MYO16: variants seen among roughly 807,000 people sequenced by gnomAD.
MYO16 encodes the protein unconventional myosin-XVI.
A neutral mutation model predicts 205.3 loss-of-function variants in MYO16; 94 were observed. The ratio of observed to expected loss-of-function variants is 0.46; its 90% CI spans 0.39 to 0.54. The LOEUF is 0.54. MYO16 is among the 20% of genes least tolerant of loss of function. The pLI, the probability that MYO16 is intolerant of heterozygous loss-of-function variation, is 0.00. For missense variants in MYO16, 2,315 were observed against 2,387.5 expected, an observed-to-expected ratio of 0.97 and a Z score of 0.63; for synonymous variants, 988 against 954.0, an observed-to-expected ratio of 1.04 and a Z score of -0.66.
the MYO16 span, among the ~76,000 whole-genome samples, chr13:108,545,294 A>G: frequency 6.6e-6 from 1 of 152,204 alleles, no homozygotes; most frequent in Non-Finnish European, 1.5e-5. Context: ...GCCTACAATA[A>G]TCGCCTTCAG....
the MYO16 span, among the ~76,000 whole-genome samples, chr13:108,578,843 G>T: frequency 6.6e-6 from 1 of 151,138 alleles, no homozygotes; most frequent in African/African-American, 2.4e-5. Flanking sequence ...CAATTATTGG[G>T]AATACATTTT....
At chr13:108,735,827 T>G (rs1451500795) in intron 4 of MYO16, among the ~76,000 whole-genome samples, 3 of 151,864 alleles carry the variant, frequency 2.0e-5, no homozygotes, top group Non-Finnish European at 2.9e-5. Flanking sequence ...TTTTTAATGA[T>G]CACCATTCTA....
At chr13:108,534,839 TCTC>T in the MYO16 span, among the ~76,000 whole-genome samples, 4 of 149,896 alleles carry the variant, frequency 2.7e-5, no homozygotes, top group African/African-American at 7.4e-5. Context: ...CTCTTCTTCT[TCTC>T]CTCCTCATCC....
chr13:108,536,401 GCAAA>G, the MYO16 span, among the ~76,000 whole-genome samples: 2 of 138,696 alleles, frequency 1.4e-5, no homozygotes, highest in Non-Finnish European at 3.0e-5. Context: ...GCAAGAGAGA[GCAAA>G]CAGTTTAAGT....
rs376558891 is a variant in MYO16 at position 108,632,748 on chromosome 13, C to A, written c.28+2876C>A. Among the ~76,000 whole-genome samples the A allele has an allele frequency of 3.9e-5, 6 of 152,002 alleles. No homozygotes were observed. The East Asian group carries it at 7.7e-4, about 20-fold the overall frequency. ...ATGTATCTTGGTAGCTGAGAAGTAG[C>A]TTTAGACAGATCTGCAGTGAGAGCC... On this transcript the variant is annotated intron_variant, in intron 1 of 34. Coordinates refer to ENST00000457511, the MANE Select transcript of MYO16 (RefSeq NM_001198950.3).
In MYO16 at chr13:109,164,912, A is replaced by C. The variant is rs527276374; in HGVS notation, c.5176A>C (p.Asn1726His). The C allele has an allele frequency of 2.5e-6, 4 of 1,571,010 alleles. No individual in the cohort carries two copies. In the South Asian group the frequency reaches 4.8e-5, roughly 19 times the overall value. The part of the protein sequence containing the change: ...KIREAEGFET[N>H]MNISSRDDPS... ...AAAATTTATTTTAGGTTTTGAAACT[A>C]ACATGAACATAAGTAGCCGAGATGA... Residue 1726 changes from asparagine (N) to histidine (H), a missense_variant, in exon 33 of 35, where the codon AAC becomes CAC. By Grantham distance (68) the Asn-to-His change is moderately conservative. Coordinates refer to ENST00000457511, the MANE Select transcript of MYO16 (RefSeq NM_001198950.3).
chr13:108,890,102 G>GAATTTTTT (rs1555309571), intron 14 of MYO16, among the ~76,000 whole-genome samples: 3 of 65,706 alleles, frequency 4.6e-5, no homozygotes, highest in African/African-American at 1.7e-4. Flanking sequence ...GCTAATTTTT[G>GAATTTTTT]TATTTTTTTT....
intron 1 of MYO16, among the ~76,000 whole-genome samples, chr13:108,665,000 G>A (rs1178226671): frequency 6.6e-6 from 1 of 152,092 alleles, no homozygotes; most frequent in Non-Finnish European, 1.5e-5. Context: ...TTAACCACAG[G>A]TTTCTTGGAA....
At chr13:108,983,098 T>C (rs1053518882) in intron 20 of MYO16, among the ~76,000 whole-genome samples, 1 of 152,204 alleles carries the variant, frequency 6.6e-6, no homozygotes, top group Non-Finnish European at 1.5e-5. Flanking sequence ...GGCCAAAGAC[T>C]AAATCAAAAC....
intron 16 of MYO16, among the ~76,000 whole-genome samples, chr13:108,917,153 A>G (rs1008457671): frequency 2.0e-5 from 3 of 152,244 alleles, no homozygotes; most frequent in African/African-American, 7.2e-5. Context: ...GTTTTCTAAC[A>G]CAGAAGAGAA....
chr13:109,001,956 C>T (rs1209239258), intron 21 of MYO16, among the ~76,000 whole-genome samples: 1 of 152,194 alleles, frequency 6.6e-6, no homozygotes, highest in Non-Finnish European at 1.5e-5. Flanking sequence ...TGTGAACACA[C>T]ACACATTAAT....
intron 4 of MYO16, among the ~76,000 whole-genome samples, chr13:108,744,666 C>G (rs1313870546): frequency 6.6e-6 from 1 of 152,192 alleles, no homozygotes; most frequent in Non-Finnish European, 1.5e-5. Flanking sequence ...ACTGCATCTT[C>G]ATTTCATTGT....
chr13:108,610,036 A>G (rs926642437), intron 1 of MYO16, among the ~76,000 whole-genome samples: 3 of 152,216 alleles, frequency 2.0e-5, no homozygotes, highest in African/African-American at 7.2e-5. Context: ...AGGAACAAAC[A>G]GAATAAAGTT....
At chr13:108,761,806 G>A (rs72668514) in intron 4 of MYO16, among the ~76,000 whole-genome samples, 3,087 of 152,228 alleles carry the variant, frequency 0.02, 54 homozygotes, top group Non-Finnish European at 0.028. Context: ...GGTTGATACT[G>A]ATGGGGATTA....
At chr13:109,106,881 G>C (rs148107061) in intron 28 of MYO16, among the ~76,000 whole-genome samples, 1 of 152,176 alleles carries the variant, frequency 6.6e-6, no homozygotes, top group Non-Finnish European at 1.5e-5. Flanking sequence ...TGTGTGTCCC[G>C]TTTGAGGCAG....
At chr13:108,711,505 T>G (rs1883722557) in intron 2 of MYO16, among the ~76,000 whole-genome samples, 1 of 152,234 alleles carries the variant, frequency 6.6e-6, no homozygotes, top group East Asian at 1.9e-4. Context: ...CAGGCTGACC[T>G]GGCTCACAGG....
In MYO16 at chr13:109,207,447, G is replaced by C. The variant is rs767299730; in HGVS notation, c.*611G>C. On this transcript the variant is annotated 3_prime_UTR_variant, in exon 35 of 35. Coordinates refer to ENST00000457511, the MANE Select transcript of MYO16 (RefSeq NM_001198950.3). Reference sequence around the variant, plus strand: ...CCACAGTCCTTTTTTTTCACCTAACGCACCTAAATCTTGAAACTACATTGT... The same window carrying C: ...CCACAGTCCTTTTTTTTCACCTAACCCACCTAAATCTTGAAACTACATTGT... 2.7e-5 allele frequency: 4 copies of C among 150,848 alleles called. No homozygotes were observed. The highest frequency in any genetic ancestry group is 4.9e-5 in the African/African-American group (2 of 40,898). 9.3% of individuals were successfully genotyped at this position (150,848 alleles called of 1,614,324 possible). A position where few individuals can be genotyped will look rare whatever the true frequency, so the allele number is the denominator to read the frequency against.
intron 23 of MYO16, among the ~76,000 whole-genome samples, chr13:109,040,102 CA>C (rs1262621851): frequency 6.6e-6 from 1 of 151,978 alleles, no homozygotes; most frequent in African/African-American, 2.4e-5. Context: ...CCTCAAAAAA[CA>C]CAAGCTACTT....
chr13:109,096,519 A>G (rs1393279536), intron 27 of MYO16, among the ~76,000 whole-genome samples: 3 of 152,022 alleles, frequency 2.0e-5, no homozygotes, highest in African/African-American at 7.2e-5. Flanking sequence ...AATGTCTACA[A>G]CCATTATCTG....
Sources: allele counts gnomAD v4.1 joint callset (sites outside exome capture counted in the v4.1 genomes callset), GRCh38; gene constraint gnomAD v4.1.1; transcripts MANE v1.5; gene names NCBI Gene and HGNC (gene_info 2026-07-23, HGNC 2026-07-21).